MTA1: variants seen among roughly 807,000 people sequenced by gnomAD.
The protein encoded by MTA1 is metastasis associated 1, also known as metastasis-associated protein MTA1.
Under a neutral mutation model 97.0 loss-of-function variants are expected in MTA1, and 15 were observed. The observed-to-expected ratio is 0.15, with a 90% CI of 0.10 to 0.24. The LOEUF (loss-of-function observed/expected upper bound fraction) is 0.24, where lower values mean the gene tolerates loss of function less well. Among genes scored for constraint, MTA1 ranks in the 10% least tolerant of loss-of-function variants. The pLI is 1.00. For synonymous variants in MTA1, 435 were observed against 417.5 expected, an observed-to-expected ratio of 1.04 and a Z score of -0.51; for missense variants, 709 against 1,015.1, an observed-to-expected ratio of 0.70 and a Z score of 4.10.
intron 2 of MTA1, among the ~76,000 whole-genome samples, chr14:105,443,624 A>G (rs2082616677): frequency 6.6e-6 from 1 of 152,150 alleles, no homozygotes; most frequent in Non-Finnish European, 1.5e-5. Flanking sequence ...ACTGCCCCCA[A>G]CCCATTTATA....
chr14:105,469,687 G>C (rs1158603264), intron 19 of MTA1, 154 bp from the exon 20 acceptor site: 13 of 1,260,720 alleles, frequency 1.0e-5, no homozygotes, highest in Admixed American at 2.3e-5. Flanking sequence ...CGGCCGACCA[G>C]CCCTCAGGGC....
At chr14:105,444,909 AC>A (rs2082664527) in intron 2 of MTA1, among the ~76,000 whole-genome samples, 1 of 152,208 alleles carries the variant, frequency 6.6e-6, no homozygotes, top group Non-Finnish European at 1.5e-5. Context: ...CAGAAAACAT[AC>A]GTGCTTCTCT....
intron 1 of MTA1, among the ~76,000 whole-genome samples, chr14:105,421,468 T>C (rs2081833762): frequency 6.6e-6 from 1 of 152,218 alleles, no homozygotes; most frequent in African/African-American, 2.4e-5. Flanking sequence ...CGCATGGTTT[T>C]GGGATTGGTC....
At chr14:105,466,636 T>G in intron 17 of MTA1, 58 bp downstream of exon 17, 1 of 1,570,614 alleles carries the variant, frequency 6.4e-7, no homozygotes, top group Non-Finnish European at 8.6e-7. Flanking sequence ...GTCCGGCCCG[T>G]CCCCGCCCGG....
At chr14:105,445,223 C>T (rs754632455) in intron 2 of MTA1, among the ~76,000 whole-genome samples, 195 bp from the exon 3 acceptor site, 1 of 152,200 alleles carries the variant, frequency 6.6e-6, no homozygotes, top group Non-Finnish European at 1.5e-5. Flanking sequence ...CGCCTTCTCC[C>T]CTGGGATAGA....
At position 105,466,409 on chromosome 14, in the gene MTA1, T is replaced by G; in HGVS notation, c.1625-17T>G. The G allele has an allele frequency of 6.3e-7, 1 of 1,594,994 alleles. No homozygotes were observed. The highest frequency in any genetic ancestry group is 8.6e-7 in the Non-Finnish European group (1 of 1,169,090). On this transcript the variant is annotated splice_polypyrimidine_tract_variant and intron_variant, in intron 16 of 20. Coordinates refer to ENST00000331320, the MANE Select transcript of MTA1 (RefSeq NM_004689.4). ...CTGGGCAGAGGCAACTCGTTCTGCC[T>G]GTGTCATTCCCGGCAGAGACCCACC... is the stretch of plus-strand genomic sequence containing the variant.
intron 18 of MTA1, chr14:105,467,659 GC>G: frequency 1.1e-5 from 4 of 364,352 alleles, no homozygotes; most frequent in South Asian, 8.0e-5. Context: ...CTCGGCCCCA[GC>G]CCCAGCCCTC....
At chr14:105,440,294 A>C (rs1445103512) in intron 2 of MTA1, among the ~76,000 whole-genome samples, 1 of 152,260 alleles carries the variant, frequency 6.6e-6, no homozygotes, top group Non-Finnish European at 1.5e-5. Flanking sequence ...AAACAGGTGC[A>C]GAGGGAGGTT....
At chr14:105,465,001 C>T (rs2141686623) in intron 15 of MTA1, 93 bp from the exon 16 acceptor site, 11 of 1,421,780 alleles carry the variant, frequency 7.7e-6, no homozygotes, top group East Asian at 2.5e-5. Context: ...CTGACATGGC[C>T]GAGCCCAGTG....
intron 1 of MTA1, among the ~76,000 whole-genome samples, chr14:105,436,742 G>C (rs1302194685): frequency 6.6e-6 from 1 of 152,188 alleles, no homozygotes; most frequent in Non-Finnish European, 1.5e-5. Flanking sequence ...TTTTTGGCAA[G>C]TTTGATGCAT....
chr14:105,463,038 G>A lies in MTA1; in HGVS notation c.943-146G>A. Reference sequence around the variant, plus strand: ...GCCCTCTGCACCTGCCTGCCAGCAGGGGCCTGGCCTCCGTGCACCAAGCAC... The same window carrying A: ...GCCCTCTGCACCTGCCTGCCAGCAGAGGCCTGGCCTCCGTGCACCAAGCAC... On this transcript the variant is annotated intron_variant, in intron 10 of 20. Transcript: ENST00000331320. The surrounding 1 kb of genome is among the most constrained non-coding windows in gnomAD (Gnocchi z 5.9). 1 of 746,494 alleles carries A rather than the reference G, an allele frequency of 1.3e-6. No homozygotes were observed. Among genetic ancestry groups the A allele is most frequent in the Non-Finnish European group, 2.2e-6 (1 of 444,998 alleles). The allele number at this position is 746,494 out of a possible 1,614,324, so 46.2% of individuals were successfully genotyped here.
Position 105,463,474 on chromosome 14 carries a change from C to T in MTA1, c.1018-19C>T, listed in dbSNP as rs200209620. ...CTGGGCCTAGCCTGCTGACCTCTGA[C>T]CTTCTCTTTTGTTTTAAGAAACGCT... On this transcript the variant is annotated intron_variant, in intron 11 of 20. Coordinates refer to ENST00000331320, the MANE Select transcript of MTA1 (RefSeq NM_004689.4). The surrounding 1 kb of genome is among the most constrained non-coding windows in gnomAD (Gnocchi z 5.9). The T allele has an allele frequency of 8.6e-5, 139 of 1,613,044 alleles. 2 individuals are homozygous for T. The African/African-American group carries it at 1.5e-3, about 17-fold the overall frequency.
chr14:105,469,376 A>G, intron 18 of MTA1, 91 bp from the exon 19 acceptor site: 2 of 1,442,694 alleles, frequency 1.4e-6, no homozygotes, highest in South Asian at 1.2e-5. Context: ...GCCCCGGCCC[A>G]TTGTCCCAAG....
chr14:105,446,723 C>G (rs2082729980), intron 3 of MTA1, among the ~76,000 whole-genome samples: 1 of 152,254 alleles, frequency 6.6e-6, no homozygotes, highest in African/African-American at 2.4e-5. Context: ...GACCTTTCCT[C>G]AGCAACCAGT....
intron 15 of MTA1, 85 bp from the exon 16 acceptor site, chr14:105,465,009 G>C (rs929572525): frequency 2.1e-6 from 3 of 1,428,306 alleles, no homozygotes; most frequent in Non-Finnish European, 2.8e-6. Context: ...GCCGAGCCCA[G>C]TGAGGGCTCC....
chr14:105,452,211 C>T (rs1197162192), intron 6 of MTA1, among the ~76,000 whole-genome samples: 2 of 152,214 alleles, frequency 1.3e-5, no homozygotes, highest in African/African-American at 2.4e-5. Context: ...GGCCCCTGGG[C>T]GATCGTGCCC....
chr14:105,454,576 A>G (rs587661523), intron 7 of MTA1: 2 of 344,822 alleles, frequency 5.8e-6, no homozygotes, highest in Non-Finnish European at 1.1e-5. Flanking sequence ...GTCCTTGCAC[A>G]GTGACACCTG....
chr14:105,428,121 GTCGCTGCAGC>G (rs2082067037), intron 1 of MTA1, among the ~76,000 whole-genome samples: 2 of 151,964 alleles, frequency 1.3e-5, no homozygotes, highest in African/African-American at 4.8e-5. Context: ...CAGCTGTGTG[GTCGCTGCAGC>G]TCTTCCACAC....
chr14:105,448,146 G>A (rs1248763494), intron 3 of MTA1, among the ~76,000 whole-genome samples: 1 of 152,120 alleles, frequency 6.6e-6, no homozygotes, highest in African/African-American at 2.4e-5. Flanking sequence ...GGAGGGCGTG[G>A]GGGCCCTGGA....
Sources: gnomAD v4.1 joint callset for allele counts (sites outside exome capture counted in the v4.1 genomes callset) on GRCh38, gnomAD v4.1.1 for gene constraint, Gnocchi (gnomAD v3.1) non-coding constraint, MANE v1.5 for transcripts, NCBI Gene and HGNC (gene_info 2026-07-23, HGNC 2026-07-21) for gene names.